The following TMEM135 variants were observed in gnomAD, a reference collection of about 807,000 sequenced individuals.
The protein encoded by TMEM135 is peroxisomal membrane protein 52.
A neutral mutation model predicts 60.3 loss-of-function variants in TMEM135; 30 were observed. That is an observed-to-expected ratio of 0.50 (90% confidence interval 0.37 to 0.68). TMEM135 has a LOEUF of 0.68. TMEM135 is among the 30% of genes least tolerant of loss of function. The pLI is 0.00. For missense variants in TMEM135, 468 were observed against 548.8 expected, an observed-to-expected ratio of 0.85 and a Z score of 1.47; for synonymous variants, 190 against 186.7, an observed-to-expected ratio of 1.02 and a Z score of -0.14.
At chr11:87,177,262 C>A (rs576074354) in intron 5 of TMEM135, among the ~76,000 whole-genome samples, 3 of 152,208 alleles carry the variant, frequency 2.0e-5, no homozygotes, top group African/African-American at 7.2e-5. Context: ...AGATTTTTAA[C>A]CTCATTTATC....
chr11:87,125,236 G>A (rs1451316791), intron 4 of TMEM135, among the ~76,000 whole-genome samples: 1 of 152,206 alleles, frequency 6.6e-6, no homozygotes, highest in Non-Finnish European at 1.5e-5. Context: ...CCAATGCGCT[G>A]TCTTTGTAGA....
chr11:87,259,533 C>A (rs1440845093), intron 6 of TMEM135, among the ~76,000 whole-genome samples: 2 of 152,206 alleles, frequency 1.3e-5, no homozygotes, highest in African/African-American at 4.8e-5. Context: ...AATTTTTTGG[C>A]CTTATTCCAG....
rs541030273 is a variant in TMEM135, at chr11:87,123,306, C to T, written c.396+31911C>T. 8.5e-5 allele frequency among the ~76,000 whole-genome samples: 13 copies of T among 152,278 alleles called. No homozygotes were observed. In the East Asian group the frequency reaches 2.5e-3, roughly 29 times the overall value. ...CTAGGGAAGAATCCTTTCCTTGCCT[C>T]TTTGAGCTTCTGGTAGATCCTGGGA... On this transcript the variant is annotated intron_variant, in intron 4 of 14. Coordinates refer to ENST00000305494, the MANE Select transcript of TMEM135 (RefSeq NM_022918.4).
At chr11:87,141,213 T>C (rs533987948) in intron 4 of TMEM135, among the ~76,000 whole-genome samples, 1 of 152,182 alleles carries the variant, frequency 6.6e-6, no homozygotes, top group Non-Finnish European at 1.5e-5. Context: ...TCTCTGTTTA[T>C]GTACATAGCA....
intron 1 of TMEM135, among the ~76,000 whole-genome samples, chr11:87,053,595 T>C (rs1949863022): frequency 6.6e-6 from 1 of 151,088 alleles, no homozygotes; most frequent in African/African-American, 2.5e-5. Flanking sequence ...TACAATTTCT[T>C]ACATTACAGT....
chr11:87,037,948 A>T lies in TMEM135; in HGVS notation c.-98A>T. On this transcript the variant is annotated 5_prime_UTR_variant, in exon 1 of 15. Coordinates refer to ENST00000305494, the MANE Select transcript of TMEM135 (RefSeq NM_022918.4). Reference sequence around the variant, plus strand: ...CTTTCCCCTCCATTCCGCACCTCCGAGTGCTGGCCGGGCGAGAGGCTGGCG... The same window carrying T: ...CTTTCCCCTCCATTCCGCACCTCCGTGTGCTGGCCGGGCGAGAGGCTGGCG... 6.4e-7 allele frequency: 1 copy of T among 1,570,062 alleles called. No homozygotes were observed. The highest frequency in any genetic ancestry group is 8.7e-7 in the Non-Finnish European group (1 of 1,149,624).
chr11:87,246,938 G>A (rs1941291927), intron 6 of TMEM135, among the ~76,000 whole-genome samples: 1 of 139,138 alleles, frequency 7.2e-6, no homozygotes, highest in South Asian at 2.5e-4. Flanking sequence ...CTGCTTTTTA[G>A]AGTTTCCAGT....
intron 6 of TMEM135, among the ~76,000 whole-genome samples, chr11:87,291,969 T>C (rs1942273684): frequency 6.6e-6 from 1 of 152,206 alleles, no homozygotes; most frequent in Non-Finnish European, 1.5e-5. Context: ...CCCTGATTGC[T>C]AGGACCTCAT....
intron 3 of TMEM135, among the ~76,000 whole-genome samples, chr11:87,081,842 G>A (rs1856999206): frequency 6.6e-6 from 1 of 152,012 alleles, no homozygotes. Context: ...TTGTTTTAAC[G>A]ACTTAATAAG....
chr11:87,043,925 C>T (rs1162636770), intron 1 of TMEM135, among the ~76,000 whole-genome samples: 6 of 152,094 alleles, frequency 3.9e-5, no homozygotes, highest in African/African-American at 7.3e-5. Flanking sequence ...GGTTCTAACA[C>T]TAAGACCTTT....
At chr11:87,156,174 A>G (rs190766996) in intron 4 of TMEM135, among the ~76,000 whole-genome samples, 16 of 152,278 alleles carry the variant, frequency 1.1e-4, no homozygotes, top group Admixed American at 7.2e-4. Flanking sequence ...TTGATCATAT[A>G]TGCAAGGTTT....
At chr11:87,189,861 G>T (rs1185341481) in intron 5 of TMEM135, among the ~76,000 whole-genome samples, 1 of 151,948 alleles carries the variant, frequency 6.6e-6, no homozygotes, top group Non-Finnish European at 1.5e-5. Flanking sequence ...AGGTTTCAGT[G>T]AGCCTTGATC....
intron 3 of TMEM135, among the ~76,000 whole-genome samples, chr11:87,088,373 A>G (rs895806810): frequency 1.3e-5 from 2 of 152,186 alleles, no homozygotes; most frequent in African/African-American, 4.8e-5. Flanking sequence ...TATTGCAGTG[A>G]TACAAATAAC....
chr11:87,211,799 C>G (rs1940376084), intron 5 of TMEM135, among the ~76,000 whole-genome samples: 2 of 152,076 alleles, frequency 1.3e-5, no homozygotes, highest in Non-Finnish European at 1.5e-5. Context: ...AAAAAATTAG[C>G]TGGGCGTGGT....
At chr11:87,165,768 C>T (rs944914103) in intron 5 of TMEM135, among the ~76,000 whole-genome samples, 1 of 150,354 alleles carries the variant, frequency 6.7e-6, no homozygotes, top group Admixed American at 6.6e-5. Context: ...AATAGAGACA[C>T]AAAAAACCCT....
intron 5 of TMEM135, among the ~76,000 whole-genome samples, chr11:87,231,575 A>G (rs80305793): frequency 0.035 from 5,394 of 152,286 alleles, 285 homozygotes; most frequent in African/African-American, 0.11. Flanking sequence ...GACAACATCC[A>G]TTAAGGTAAA....
chr11:87,201,628 G>A (rs1940095590), intron 5 of TMEM135, among the ~76,000 whole-genome samples: 1 of 152,182 alleles, frequency 6.6e-6, no homozygotes, highest in Admixed American at 6.5e-5. Context: ...TATGATGGCA[G>A]TTAATGTTAG....
intron 5 of TMEM135, among the ~76,000 whole-genome samples, chr11:87,180,291 G>A (rs1310205598): frequency 1.3e-5 from 2 of 151,922 alleles, no homozygotes; most frequent in African/African-American, 4.8e-5. Flanking sequence ...CCAGATAAAC[G>A]GGAAAAACGG....
At chr11:87,109,490 T>G (rs1420498077) in intron 4 of TMEM135, among the ~76,000 whole-genome samples, 2 of 152,184 alleles carry the variant, frequency 1.3e-5, no homozygotes, top group Non-Finnish European at 2.9e-5. Context: ...CCTCTTCTTG[T>G]AGTGTTGTGA....
Sources: gnomAD v4.1 joint callset for allele counts (sites outside exome capture counted in the v4.1 genomes callset) on GRCh38, gnomAD v4.1.1 for gene constraint, MANE v1.5 for transcripts, NCBI Gene and HGNC (gene_info 2026-07-23, HGNC 2026-07-21) for gene names.